Variants in SLC44A5 observed in about 807,000 individuals in gnomAD.
The protein encoded by SLC44A5 is solute carrier family 44 member 5.
Under a neutral mutation model 101.8 loss-of-function variants are expected in SLC44A5, and 57 were observed. The observed-to-expected ratio is 0.56, with a 90% CI of 0.45 to 0.70. SLC44A5 has a LOEUF of 0.70. SLC44A5 is among the 30% of genes least tolerant of loss of function. The pLI is 0.00. For missense variants in SLC44A5, 737 were observed against 853.1 expected, an observed-to-expected ratio of 0.86 and a Z score of 1.70; for synonymous variants, 281 against 290.9, an observed-to-expected ratio of 0.97 and a Z score of 0.35.
intron 2 of SLC44A5, among the ~76,000 whole-genome samples, chr1:75,452,954 C>T (rs1665987140): frequency 6.6e-6 from 1 of 152,150 alleles, no homozygotes; most frequent in African/African-American, 2.4e-5. Flanking sequence ...ACTTCAGCTT[C>T]CCACCAAAAA....
chr1:75,605,237 T>C (rs991393682), intron 1 of SLC44A5, among the ~76,000 whole-genome samples: 6 of 136,876 alleles, frequency 4.4e-5, no homozygotes, highest in Non-Finnish European at 9.9e-5. Context: ...AAAATTGGGT[T>C]TTAAATTTTT....
intron 2 of SLC44A5, among the ~76,000 whole-genome samples, chr1:75,461,895 G>T (rs1666520607): frequency 6.6e-6 from 1 of 152,156 alleles, no homozygotes; most frequent in Non-Finnish European, 1.5e-5. Context: ...GGCCTTTTAA[G>T]GTTTTTGACT....
chr1:75,208,619 A>G (rs1296864288), intron 23 of SLC44A5, among the ~76,000 whole-genome samples: 1 of 152,194 alleles, frequency 6.6e-6, no homozygotes. Flanking sequence ...AAACGGAAAC[A>G]TGTTCCAATT....
At chr1:75,697,961 G>A in the SLC44A5 span, among the ~76,000 whole-genome samples, 6 of 152,200 alleles carry the variant, frequency 3.9e-5, no homozygotes, top group African/African-American at 9.7e-5. Context: ...AAAAAACCAT[G>A]CACCAGGAGA....
chr1:75,541,287 TAAC>T, intron 2 of SLC44A5, 145 bp downstream of exon 2: 1 of 630,172 alleles, frequency 1.6e-6, no homozygotes, highest in South Asian at 2.1e-5. Flanking sequence ...CCACAAGGTC[TAAC>T]ATGCTGTAGT....
chr1:75,535,718 T>C (rs1186026887), intron 2 of SLC44A5, among the ~76,000 whole-genome samples: 1 of 152,238 alleles, frequency 6.6e-6, no homozygotes, highest in Non-Finnish European at 1.5e-5. Context: ...CTCTACTCTC[T>C]AGCCTAGTCA....
chr1:75,671,777 C>T, the SLC44A5 span, among the ~76,000 whole-genome samples: 1 of 152,134 alleles, frequency 6.6e-6, no homozygotes, highest in East Asian at 1.9e-4. Flanking sequence ...GCTGAAAGGA[C>T]AATAGAAAAA....
rs143457855 is a variant in SLC44A5, at chr1:75,222,394, C to A, written c.1052G>T (p.Arg351Leu). Reference protein sequence around the residue: ...LMLIFLRNRIRVAIILLKEGS... With the variant: ...LMLIFLRNRILVAIILLKEGS... ...TTCCTTCAGCAGGATAATGGCGACT[C>A]GGATTCGATTCCTGAGGAAGATCAG... is the stretch of plus-strand genomic sequence containing the variant. Residue 351 changes from arginine (R) to leucine (L), a missense_variant, in exon 14 of 24, where the codon CGA becomes CTA. Arg to Leu is a moderately radical substitution (Grantham distance 102). Coordinates refer to ENST00000370859, the MANE Select transcript of SLC44A5 (RefSeq NM_001130058.2). The A allele has an allele frequency of 1.9e-6, 3 of 1,613,544 alleles. No homozygotes were observed. Among genetic ancestry groups the A allele is most frequent in the Non-Finnish European group, 2.5e-6 (3 of 1,179,864 alleles).
chr1:75,376,923 CTT>C (rs968302519), intron 3 of SLC44A5, among the ~76,000 whole-genome samples: 1 of 152,054 alleles, frequency 6.6e-6, no homozygotes, highest in African/African-American at 2.4e-5. Context: ...AAGTTGAAAA[CTT>C]TGAAAAAAAT....
chr1:75,371,962 C>T (rs1015075580), intron 3 of SLC44A5, among the ~76,000 whole-genome samples: 10 of 152,070 alleles, frequency 6.6e-5, no homozygotes, highest in Non-Finnish European at 1.3e-4. Context: ...TTTGGGAGGC[C>T]GAGGCGGGCA....
intron 1 of SLC44A5, among the ~76,000 whole-genome samples, chr1:75,564,375 T>G (rs954573813): frequency 6.6e-6 from 1 of 152,158 alleles, no homozygotes; most frequent in Non-Finnish European, 1.5e-5. Flanking sequence ...CTTATCAATT[T>G]GGGTATCATG....
At chr1:75,359,609 T>C (rs1659341702) in intron 3 of SLC44A5, among the ~76,000 whole-genome samples, 1 of 152,166 alleles carries the variant, frequency 6.6e-6, no homozygotes, top group South Asian at 2.1e-4. Flanking sequence ...ATGGCTGTTA[T>C]GAATACTACT....
chr1:75,228,387 T>C (rs1265003449), intron 12 of SLC44A5, among the ~76,000 whole-genome samples: 2 of 152,114 alleles, frequency 1.3e-5, no homozygotes, highest in African/African-American at 2.4e-5. Flanking sequence ...TCTTTTGTTA[T>C]TGATTGCTAG....
At chr1:75,367,696 A>G (rs916941689) in intron 3 of SLC44A5, among the ~76,000 whole-genome samples, 2 of 152,178 alleles carry the variant, frequency 1.3e-5, no homozygotes, top group Admixed American at 6.5e-5. Context: ...GGGCTGTAGC[A>G]GAGTCCATAG....
the SLC44A5 span, among the ~76,000 whole-genome samples, chr1:75,640,072 C>T: frequency 0.49 from 74,653 of 151,916 alleles, 19,587 homozygotes; most frequent in East Asian, 0.93. Context: ...ATGTAAGTTA[C>T]TTGTTACTGT....
chr1:75,515,086 T>C (rs1258248769), intron 2 of SLC44A5, among the ~76,000 whole-genome samples: 1 of 152,206 alleles, frequency 6.6e-6, no homozygotes, highest in East Asian at 1.9e-4. Flanking sequence ...CTCTTACTCT[T>C]CACTTTTTGT....
chr1:75,633,914 A>G, the SLC44A5 span, among the ~76,000 whole-genome samples: 1 of 151,658 alleles, frequency 6.6e-6, no homozygotes, highest in South Asian at 2.1e-4. Context: ...TAATTTATTG[A>G]GAGTTCTTAG....
At chr1:75,688,715 T>C in the SLC44A5 span, among the ~76,000 whole-genome samples, 1 of 152,156 alleles carries the variant, frequency 6.6e-6, no homozygotes, top group Admixed American at 6.5e-5. Context: ...TGATCATCTC[T>C]TTAAAAGACA....
chr1:75,570,640 T>C (rs1479686803), intron 1 of SLC44A5, among the ~76,000 whole-genome samples: 2 of 152,212 alleles, frequency 1.3e-5, no homozygotes, highest in Non-Finnish European at 2.9e-5. Context: ...CCAGAAACTA[T>C]ATGTAGTTTG....
Sources: allele counts gnomAD v4.1 joint callset (sites outside exome capture counted in the v4.1 genomes callset), GRCh38; gene constraint gnomAD v4.1.1; transcripts MANE v1.5; gene names NCBI Gene and HGNC (gene_info 2026-07-23, HGNC 2026-07-21).